FHDC1: variants seen among roughly 807,000 people sequenced by gnomAD.
The protein encoded by FHDC1 is FH2 domain containing 1.
Under a neutral mutation model 52.6 loss-of-function variants are expected in FHDC1, and 25 were observed. The observed-to-expected ratio is 0.48, with a 90% CI of 0.35 to 0.66. FHDC1 has a LOEUF of 0.66. FHDC1 is among the 30% of genes least tolerant of loss of function. The pLI is 0.01. For synonymous variants in FHDC1, 616 were observed against 581.5 expected (o/e 1.06, Z -0.85); for missense variants, 1,459 against 1,452.8 (o/e 1.00, Z -0.07).
the FHDC1 span, among the ~76,000 whole-genome samples, chr4:152,913,064 A>G: frequency 2.0e-5 from 3 of 152,166 alleles, no homozygotes; most frequent in Non-Finnish European, 2.9e-5. Flanking sequence ...GCCAACCCCC[A>G]TCTCCAAATG....
rs908846992 is a variant in FHDC1 at position 152,972,644 on chromosome 4, C to T, written c.1383+103C>T. 7.5e-5 allele frequency: 100 copies of T among 1,336,960 alleles called. 1 individual carries two copies. The highest frequency in any genetic ancestry group is 2.7e-4 in the Middle Eastern group (1 of 3,728). 82.8% of individuals were successfully genotyped at this position (1,336,960 alleles called of 1,614,324 possible). ...CACAGAAAGGCACTTTGCATCTCCA[C>T]GGTTTCGGGGACATCTGGCCCAGGT... On this transcript the variant is annotated intron_variant, in intron 11 of 11. Transcript: ENST00000511601.
chr4:152,930,607 G>A, the FHDC1 span, among the ~76,000 whole-genome samples: 13 of 152,298 alleles, frequency 8.5e-5, no homozygotes, highest in African/African-American at 2.9e-4. Flanking sequence ...TCCTCTTTGT[G>A]TCCAAGGCCA....
At chr4:152,928,251 T>C in the FHDC1 span, 1 of 691,934 alleles carries the variant, frequency 1.4e-6, no homozygotes, top group Non-Finnish European at 2.7e-6. Flanking sequence ...CAATGGTAGA[T>C]CGGACCATTC....
At chr4:152,928,061 G>A in the FHDC1 span, 1 of 1,404,916 alleles carries the variant, frequency 7.1e-7, no homozygotes, top group East Asian at 2.3e-5. Flanking sequence ...CCCCTCTGCT[G>A]CAGTCTGTAT....
At chr4:152,916,112 T>C in the FHDC1 span, among the ~76,000 whole-genome samples, 1 of 148,006 alleles carries the variant, frequency 6.8e-6, no homozygotes, top group Non-Finnish European at 1.5e-5. Context: ...CATAATTGGC[T>C]TGGTTTCTTC....
At position 152,977,467 on chromosome 4, in the gene FHDC1, G is replaced by C. The variant is rs979727784; in HGVS notation, c.*744G>C. 1 of 152,080 alleles carries C rather than the reference G, an allele frequency of 6.6e-6. No homozygotes were observed. The highest frequency in any genetic ancestry group is 2.4e-5 in the African/African-American group (1 of 41,388). The allele number at this position is 152,080 out of a possible 1,614,324, so 9.4% of individuals were successfully genotyped here. On this transcript the variant is annotated 3_prime_UTR_variant, in exon 12 of 12. Coordinates refer to ENST00000511601, the MANE Select transcript of FHDC1 (RefSeq NM_001371116.1). ...ATACATATGTATTTTTTTGCGACAG[G>C]GTCGTGCTCTTGTCTCCCAGACTGG...
At chr4:152,934,283 A>G (rs1739306471), upstream of FHDC1, among the ~76,000 whole-genome samples, 1 of 152,242 alleles carries the variant, frequency 6.6e-6, no homozygotes, top group Non-Finnish European at 1.5e-5. Flanking sequence ...GATTTCAAAC[A>G]GAAAAACCAG....
chr4:152,974,745 G>T lies in FHDC1; in HGVS notation c.1454G>T (p.Arg485Leu). ...CTGAAGGAGCAGGAGCAGAAGCAGCGCTCCTGGGCAACTGGGGAGCTGGGG... is the reference window on the plus strand; with the variant it reads ...CTGAAGGAGCAGGAGCAGAAGCAGCTCTCCTGGGCAACTGGGGAGCTGGGG... The part of the protein sequence containing the change: ...QRLKEQEQKQ[R>L]SWATGELGAF... The change falls in exon 12 of 12, where the codon CGC becomes CTC. Residue 485 changes from arginine (R) to leucine (L), a missense_variant. By Grantham distance (102) the Arg-to-Leu change is moderately radical. This residue lies in a region of FHDC1 where 513 missense variants were observed against 581.5 expected (regional missense o/e 0.88). Coordinates refer to ENST00000511601, the MANE Select transcript of FHDC1 (RefSeq NM_001371116.1). 1 of 1,521,572 alleles carries T rather than the reference G, an allele frequency of 6.6e-7. No homozygotes were observed. The highest frequency in any genetic ancestry group is 2.3e-5 in the East Asian group (1 of 43,930). 94.3% of individuals were successfully genotyped at this position (1,521,572 alleles called of 1,614,324 possible).
the FHDC1 span, among the ~76,000 whole-genome samples, chr4:152,920,435 T>C: frequency 6.6e-6 from 1 of 152,166 alleles, no homozygotes; most frequent in African/African-American, 2.4e-5. Context: ...TGAGGATAAG[T>C]CATAACCTTC....
chr4:152,921,311 T>C, the FHDC1 span, among the ~76,000 whole-genome samples: 7 of 152,196 alleles, frequency 4.6e-5, no homozygotes, highest in South Asian at 1.2e-3. Flanking sequence ...CCCAGACATT[T>C]AATGAGTATC....
chr4:152,974,440 T>G (rs1740772435), intron 11 of FHDC1, among the ~76,000 whole-genome samples: 1 of 152,088 alleles, frequency 6.6e-6, no homozygotes, highest in African/African-American at 2.4e-5. Flanking sequence ...CACTCACCCC[T>G]TCTGCTCAGA....
In FHDC1 at chr4:152,962,835, T is replaced by C; in HGVS notation, c.872T>C (p.Leu291Pro). ...AIKELMSCEE[L>P]HSILHLVLQA... ...ATAGAACTGATGTCATGTGAAGAGC[T>C]ACATTCAATATTACACTTGGTGCTC... The change falls in exon 7 of 12, where the codon CTA (leucine) becomes CCA (proline). Residue 291 changes from leucine (L) to proline (P), a missense_variant. Around this residue, in one of 3 missense-constraint regions of FHDC1, gnomAD observed 513 missense variants for 581.5 expected, o/e 0.88. Transcript: ENST00000511601. 1 of 1,614,130 alleles carries C rather than the reference T, an allele frequency of 6.2e-7. No homozygotes were observed. The highest frequency in any genetic ancestry group is 8.5e-7 in the Non-Finnish European group (1 of 1,180,004).
At chr4:152,923,074 G>C in the FHDC1 span, among the ~76,000 whole-genome samples, 1 of 152,142 alleles carries the variant, frequency 6.6e-6, no homozygotes, top group Non-Finnish European at 1.5e-5. Context: ...AATTGACCCT[G>C]TTTGCAGATG....
rs143566801 is a variant in FHDC1 at position 152,971,543 on chromosome 4, T to C, written c.1219-834T>C. On this transcript the variant is annotated intron_variant, in intron 10 of 11. Transcript: ENST00000511601. ...TCCATGCTGAAGGCCTTGGAAATCA[T>C]TGGAGGAAAACAAGCTTCCTTTCTT... Among the ~76,000 whole-genome samples, 160 of 152,280 alleles carry C rather than the reference T, an allele frequency of 1.1e-3. 1 individual carries two copies. The highest frequency in any genetic ancestry group is 3.3e-3 in the African/African-American group (137 of 41,542).
At chr4:152,936,838 C>T (rs1428571466) in intron 1 of FHDC1, among the ~76,000 whole-genome samples, 1 of 152,258 alleles carries the variant, frequency 6.6e-6, no homozygotes, top group African/African-American at 2.4e-5. Flanking sequence ...AGCGGCGTCC[C>T]GCACGGAATG....
At chr4:152,969,856 C>T (rs1354061347) in intron 10 of FHDC1, among the ~76,000 whole-genome samples, 5 of 151,940 alleles carry the variant, frequency 3.3e-5, no homozygotes, top group Admixed American at 6.6e-5. Context: ...TTTTTAGTAG[C>T]GATGGGGTTT....
At chr4:152,956,755 C>T (rs569201457) in intron 4 of FHDC1, among the ~76,000 whole-genome samples, 45 of 152,308 alleles carry the variant, frequency 3.0e-4, no homozygotes, top group Middle Eastern at 3.4e-3. Flanking sequence ...CCTCCTGCTG[C>T]GGGGTCATCC....
the FHDC1 span, chr4:152,927,623 G>A: frequency 6.2e-7 from 1 of 1,605,578 alleles, no homozygotes. Context: ...AAGGCTACAG[G>A]AACAGAAGGA....
chr4:152,949,161 A>AAGAAGC (rs1739846036), intron 2 of FHDC1, among the ~76,000 whole-genome samples: 1 of 143,942 alleles, frequency 6.9e-6, no homozygotes, highest in Non-Finnish European at 1.5e-5. Flanking sequence ...GAAGAAGAAG[A>AAGAAGC]AGAAGAAGAA....
Sources: gnomAD v4.1 joint callset for allele counts (sites outside exome capture counted in the v4.1 genomes callset) on GRCh38, gnomAD v4.1.1 for gene constraint, gnomAD v4.1.1 regional missense constraint, MANE v1.5 for transcripts, NCBI Gene and HGNC (gene_info 2026-07-23, HGNC 2026-07-21) for gene names.